MTO1: variants seen among roughly 807,000 people sequenced by gnomAD.
MTO1 encodes mitochondrial tRNA translation optimization 1, also known as 5-taurinomethyluridine-[tRNA] synthase subunit MTO1, mitochondrial.
In MTO1, 46 loss-of-function variants were observed where a neutral mutation model predicts 71.6. That is an observed-to-expected ratio of 0.64 (90% CI 0.51 to 0.82). The LOEUF (loss-of-function observed/expected upper bound fraction) is 0.82, where lower values mean the gene tolerates loss of function less well. Ranked by LOEUF, MTO1 falls within the 40% of genes least tolerant of loss-of-function variation. The pLI is 0.00. For synonymous variants in MTO1, 297 were observed against 312.1 expected (o/e 0.95, Z 0.51); for missense variants, 773 against 867.5 (o/e 0.89, Z 1.37).
chr6:73,495,220 C>T (rs1171739073), intron 10 of MTO1, among the ~76,000 whole-genome samples: 1 of 152,178 alleles, frequency 6.6e-6, no homozygotes, highest in African/African-American at 2.4e-5. Flanking sequence ...TCATCAGAAA[C>T]TCTAGAATTA....
intron 10 of MTO1, 136 bp from the exon 11 acceptor site, chr6:73,497,600 C>T (rs1326722073): frequency 8.7e-6 from 7 of 800,496 alleles, no homozygotes; most frequent in Non-Finnish European, 9.5e-6. Context: ...ACCTACCCAA[C>T]CCATCTCATG....
chr6:73,480,935 A>T, intron 7 of MTO1, 130 bp downstream of exon 7: 2 of 798,664 alleles, frequency 2.5e-6, no homozygotes, highest in Non-Finnish European at 1.8e-6. Context: ...TTTATGTTTC[A>T]GGGTGTTTGG....
intron 4 of MTO1, among the ~76,000 whole-genome samples, chr6:73,478,566 A>C (rs1421680610): frequency 6.6e-6 from 1 of 152,122 alleles, no homozygotes; most frequent in African/African-American, 2.4e-5. Context: ...TTTGAGACAG[A>C]GTCTTGCCCA....
At chr6:73,492,464 A>G in intron 10 of MTO1, 112 bp downstream of exon 10, 1 of 703,308 alleles carries the variant, frequency 1.4e-6, no homozygotes, top group South Asian at 1.6e-5. Flanking sequence ...TGTGCTTTTC[A>G]AAAGTGTGGT....
intron 4 of MTO1, among the ~76,000 whole-genome samples, chr6:73,477,128 G>T (rs1771348612): frequency 6.7e-6 from 1 of 150,318 alleles, no homozygotes; most frequent in South Asian, 2.1e-4. Flanking sequence ...AGGCGCAGTG[G>T]CTCATGCCTA....
In MTO1 at chr6:73,492,219, T is replaced by G; in HGVS notation, c.1638-15T>G. 6.5e-7 allele frequency: 1 copy of G among 1,539,202 alleles called. No homozygotes were observed. The highest frequency in any genetic ancestry group is 1.1e-5 in the South Asian group (1 of 89,432). On this transcript the variant is annotated splice_polypyrimidine_tract_variant and intron_variant, in intron 9 of 11. Coordinates refer to ENST00000498286, the MANE Select transcript of MTO1 (RefSeq NM_012123.4). ...CATGGATCCTTATGTTAATGAAACT[T>G]TCATATATTTGCAGAGCTCTCGATG... is the stretch of plus-strand genomic sequence containing the variant.
chr6:73,477,509 CT>C (rs766276407), intron 4 of MTO1, among the ~76,000 whole-genome samples: 403 of 134,678 alleles, frequency 3.0e-3, no homozygotes, highest in Admixed American at 2.9e-3. Flanking sequence ...TCCAAAGCAG[CT>C]TTTTTTTTTT....
At position 73,500,666 on chromosome 6, in the gene MTO1, T is replaced by G. The variant is rs550234689; in HGVS notation, c.2010T>G (p.Ala670=). The G allele has an allele frequency of 1.9e-6, 3 of 1,614,014 alleles. No homozygotes were observed. In the South Asian group the frequency reaches 3.3e-5, roughly 18 times the overall value. Residue 670 remains alanine (A), a synonymous_variant, in exon 12 of 12, where the codon GCT becomes GCG. Coordinates refer to ENST00000498286, the MANE Select transcript of MTO1 (RefSeq NM_012123.4). ...AGACCACTCAACGAAGACAGTCGGC[T>G]ATGAATGAATCATCCAAGACTGATC... ...FVKTTQRRQS[A]MNESSKTDQY... is the part of the protein sequence containing the mutation.
chr6:73,462,863 G>A (rs12526483), intron 1 of MTO1, among the ~76,000 whole-genome samples: 20,602 of 152,016 alleles, frequency 0.14, 1,766 homozygotes, highest in East Asian at 0.2. Context: ...TCATAGGCAC[G>A]ATCGTTGCAC....
intron 9 of MTO1, among the ~76,000 whole-genome samples, chr6:73,483,072 G>A (rs1056190234): frequency 3.3e-5 from 5 of 151,974 alleles, no homozygotes; most frequent in Admixed American, 2.0e-4. Context: ...GATTACAGGC[G>A]TGAGCCACTG....
rs751612754 is a variant in MTO1 at position 73,480,784 on chromosome 6, T to A, written c.1239T>A (p.Gly413=). 6.2e-7 allele frequency: 1 copy of A among 1,613,950 alleles called. No homozygotes were observed. Among genetic ancestry groups the A allele is most frequent in the South Asian group, 1.1e-5 (1 of 91,060 alleles). Residue 413 remains glycine, a synonymous_variant, in exon 7 of 12, where the codon GGT becomes GGA. Transcript: ENST00000498286. The stretch of plus-strand genomic sequence containing the variant: ...CTGGACAGATCAATGGCACCACTGG[T>A]TATGAGGAAGCTGCAGCTCAAGTAA... ...FFAGQINGTT[G]YEEAAAQGVI...
At chr6:73,479,891 A>T (rs764677399) in intron 5 of MTO1, 45 bp from the exon 6 acceptor site, 1 of 1,602,038 alleles carries the variant, frequency 6.2e-7, no homozygotes, top group South Asian at 1.1e-5. Context: ...AATGACGTCA[A>T]TCCTCTTTTG....
chr6:73,476,770 G>T (rs1295736518), intron 4 of MTO1, among the ~76,000 whole-genome samples: 2 of 151,692 alleles, frequency 1.3e-5, no homozygotes, highest in African/African-American at 4.8e-5. Flanking sequence ...AGAGTACGAT[G>T]CAGGGACAAT....
intron 10 of MTO1, among the ~76,000 whole-genome samples, chr6:73,494,836 G>A (rs376285861): frequency 1.2e-4 from 18 of 149,872 alleles, no homozygotes; most frequent in African/African-American, 4.4e-4. Flanking sequence ...CTGGAGTGCA[G>A]TGATGCAATC....
intron 4 of MTO1, among the ~76,000 whole-genome samples, chr6:73,474,525 T>C (rs1771253074): frequency 6.6e-6 from 1 of 152,200 alleles, no homozygotes; most frequent in African/African-American, 2.4e-5. Context: ...CTTGGTGCAC[T>C]GCAACTTCCG....
chr6:73,470,966 AAGAT>A (rs1309399222), intron 3 of MTO1, among the ~76,000 whole-genome samples: 2 of 152,110 alleles, frequency 1.3e-5, no homozygotes, highest in East Asian at 3.9e-4. Context: ...AGAAAAAAAA[AAGAT>A]AGTCTGTCTC....
intron 3 of MTO1, among the ~76,000 whole-genome samples, chr6:73,467,613 C>CT (rs1561939850): frequency 3.7e-4 from 7 of 19,008 alleles, no homozygotes; most frequent in East Asian, 1.8e-3. Flanking sequence ...AACTCTGTCT[C>CT]AAAATAAATA....
intron 1 of MTO1, chr6:73,464,224 C>T (rs745660665): frequency 1.3e-5 from 2 of 152,124 alleles, no homozygotes; most frequent in South Asian, 2.1e-4. Flanking sequence ...TGATTACTCA[C>T]GCTTGTAATC....
At chr6:73,492,207 G>A in intron 9 of MTO1, 27 bp from the exon 10 acceptor site, 1 of 1,431,462 alleles carries the variant, frequency 7.0e-7, no homozygotes, top group Non-Finnish European at 9.9e-7. Flanking sequence ...GGATCCTTAT[G>A]TTAATGAAAC....
Sources: allele counts gnomAD v4.1 joint callset (sites outside exome capture counted in the v4.1 genomes callset), GRCh38; gene constraint gnomAD v4.1.1; transcripts MANE v1.5; gene names NCBI Gene and HGNC (gene_info 2026-07-23, HGNC 2026-07-21).